The following MLLT3 variants were observed in gnomAD, a reference collection of about 807,000 sequenced individuals.
The protein encoded by MLLT3 is protein AF-9.
Under a neutral mutation model 53.2 loss-of-function variants are expected in MLLT3, and 4 were observed. The ratio of observed to expected loss-of-function variants is 0.08; its 90% confidence interval spans 0.04 to 0.17. The LOEUF (loss-of-function observed/expected upper bound fraction) is 0.17. Ranked by LOEUF, MLLT3 falls within the 10% of genes least tolerant of loss-of-function variation. MLLT3 has a pLI of 1.00. For synonymous variants in MLLT3, 283 were observed against 230.6 expected, an observed-to-expected ratio of 1.23 and a Z score of -2.06; for missense variants, 569 against 684.0, an observed-to-expected ratio of 0.83 and a Z score of 1.87.
chr9:20,395,387 G>A (rs554501608), intron 5 of MLLT3, among the ~76,000 whole-genome samples: 6 of 152,258 alleles, frequency 3.9e-5, no homozygotes, highest in South Asian at 2.1e-4. Context: ...GGGCCTGGAG[G>A]CTTTACAAGA....
At chr9:20,515,805 G>A (rs1168644627) in intron 2 of MLLT3, among the ~76,000 whole-genome samples, 1 of 152,108 alleles carries the variant, frequency 6.6e-6, no homozygotes, top group Admixed American at 6.5e-5. Flanking sequence ...TCTCCCCATT[G>A]ACCTTATCCG....
intron 2 of MLLT3, among the ~76,000 whole-genome samples, chr9:20,585,407 G>C (rs1000386962): frequency 6.6e-6 from 1 of 152,184 alleles, no homozygotes; most frequent in African/African-American, 2.4e-5. Context: ...TAGAAGGGTA[G>C]GGTTTCAACG....
chr9:20,608,250 CATG>C (rs1458620944), intron 2 of MLLT3, among the ~76,000 whole-genome samples: 1 of 151,818 alleles, frequency 6.6e-6, no homozygotes, highest in Non-Finnish European at 1.5e-5. Context: ...ATCTAAGCAA[CATG>C]ATGACAGTCT....
At chr9:20,528,961 G>A (rs1438834033) in intron 2 of MLLT3, among the ~76,000 whole-genome samples, 5 of 152,266 alleles carry the variant, frequency 3.3e-5, no homozygotes, top group African/African-American at 9.6e-5. Flanking sequence ...AATGTGTACT[G>A]TATGAAAGTT....
At chr9:20,608,378 G>A (rs2780840) in intron 2 of MLLT3, among the ~76,000 whole-genome samples, 123,123 of 151,772 alleles carry the variant, frequency 0.81, 50,122 homozygotes, top group Middle Eastern at 0.86. Flanking sequence ...CAGGAAAAAA[G>A]GGCCAGAACT....
chr9:20,398,515 G>A (rs1465746849), intron 5 of MLLT3, among the ~76,000 whole-genome samples: 4 of 152,006 alleles, frequency 2.6e-5, no homozygotes, highest in African/African-American at 9.7e-5. Context: ...TGGGGGAGTG[G>A]GGGAAGCAAG....
intron 5 of MLLT3, among the ~76,000 whole-genome samples, chr9:20,387,378 G>C (rs1261522540): frequency 6.6e-6 from 1 of 152,198 alleles, no homozygotes; most frequent in Non-Finnish European, 1.5e-5. Context: ...TAGGGATTTG[G>C]TGAACTTTGT....
intron 4 of MLLT3, among the ~76,000 whole-genome samples, chr9:20,420,937 T>C (rs981539478): frequency 6.6e-6 from 1 of 152,168 alleles, no homozygotes; most frequent in Non-Finnish European, 1.5e-5. Flanking sequence ...AAAATGTTTG[T>C]ATAGATTACA....
At chr9:20,349,434 T>C (rs1820956104) in intron 10 of MLLT3, among the ~76,000 whole-genome samples, 1 of 152,144 alleles carries the variant, frequency 6.6e-6, no homozygotes. Flanking sequence ...CCTGATGCTT[T>C]TTCCTCTCGC....
At chr9:20,521,849 C>G (rs1818069981) in intron 2 of MLLT3, among the ~76,000 whole-genome samples, 1 of 152,090 alleles carries the variant, frequency 6.6e-6, no homozygotes, top group African/African-American at 2.4e-5. Flanking sequence ...CCGTAATATT[C>G]TCATTCTATT....
chr9:20,366,281 T>C (rs934787872), intron 5 of MLLT3, among the ~76,000 whole-genome samples: 12 of 152,182 alleles, frequency 7.9e-5, no homozygotes, highest in Non-Finnish European at 1.3e-4. Flanking sequence ...TCTTCACTTA[T>C]GAGAACATGC....
At chr9:20,478,537 T>A (rs1824583046) in intron 2 of MLLT3, among the ~76,000 whole-genome samples, 1 of 152,054 alleles carries the variant, frequency 6.6e-6, no homozygotes, top group South Asian at 2.1e-4. Context: ...AACCAACTGA[T>A]CGTAGTCTTA....
chr9:20,365,801 A>G (rs1407230006), intron 5 of MLLT3, 57 bp from the exon 6 acceptor site: 1 of 1,574,814 alleles, frequency 6.3e-7, no homozygotes, highest in East Asian at 2.2e-5. Context: ...CACACATCTA[A>G]AGTTGAAAAC....
chr9:20,569,083 C>A (rs1275882817), intron 2 of MLLT3, among the ~76,000 whole-genome samples: 2 of 152,144 alleles, frequency 1.3e-5, no homozygotes, highest in Non-Finnish European at 2.9e-5. Flanking sequence ...GTAACACTTA[C>A]ACCCCTCCTG....
intron 2 of MLLT3, among the ~76,000 whole-genome samples, chr9:20,483,453 G>C (rs1824720352): frequency 6.6e-6 from 1 of 151,056 alleles, no homozygotes; most frequent in South Asian, 2.1e-4. Flanking sequence ...GGCTGGTCTT[G>C]AACTCCTGGG....
At chr9:20,502,231 C>G (rs2118943497) in intron 2 of MLLT3, 1 of 154,174 alleles carries the variant, frequency 6.5e-6, no homozygotes, top group Middle Eastern at 5.2e-4. Context: ...TGACAGGGCA[C>G]CACAAATGAA....
intron 2 of MLLT3, among the ~76,000 whole-genome samples, chr9:20,512,730 T>C (rs1252698632): frequency 6.6e-6 from 1 of 152,212 alleles, no homozygotes; most frequent in Non-Finnish European, 1.5e-5. Context: ...CAGAAGTCAG[T>C]AACTGAAGTT....
chr9:20,472,988 G>A (rs1004076833), intron 2 of MLLT3, among the ~76,000 whole-genome samples: 7 of 151,830 alleles, frequency 4.6e-5, no homozygotes, highest in African/African-American at 1.7e-4. Flanking sequence ...CTCAGGATCA[G>A]TAACACCAGC....
chr9:20,564,932 G>T (rs1196310390), intron 2 of MLLT3, among the ~76,000 whole-genome samples: 1 of 152,124 alleles, frequency 6.6e-6, no homozygotes, highest in Non-Finnish European at 1.5e-5. Context: ...ACACGGTATG[G>T]GTAGCACTTA....
Sources: allele counts gnomAD v4.1 joint callset (sites outside exome capture counted in the v4.1 genomes callset), GRCh38; gene constraint gnomAD v4.1.1; transcripts MANE v1.5; gene names NCBI Gene and HGNC (gene_info 2026-07-23, HGNC 2026-07-21).